Variants in MYCBP2 observed in about 807,000 individuals in gnomAD.
MYCBP2 encodes the protein E3 ubiquitin-protein ligase MYCBP2.
Under a neutral mutation model 525.3 loss-of-function variants are expected in MYCBP2, and 120 were observed. The observed-to-expected ratio is 0.23, with a 90% CI of 0.20 to 0.27. MYCBP2 has a LOEUF of 0.27. Ranked by LOEUF, MYCBP2 falls within the 10% of genes least tolerant of loss-of-function variation. The probability of loss-of-function intolerance (pLI) is 1.00; values close to 1 mark genes in which losing one functional copy is unlikely to be tolerated. For synonymous variants in MYCBP2, 1,894 were observed against 1,955.8 expected (o/e 0.97, Z 0.83); for missense variants, 4,149 against 5,657.1 (o/e 0.73, Z 8.55).
chr13:77,275,116 T>G (rs970643540), intron 4 of MYCBP2, among the ~76,000 whole-genome samples: 6 of 152,210 alleles, frequency 3.9e-5, no homozygotes, highest in African/African-American at 1.4e-4. Context: ...ACTAGGGTAT[T>G]GGCAAACATG....
In MYCBP2 at chr13:77,275,901, T is replaced by C. The variant is rs569762388; in HGVS notation, c.749-2233A>G. Among the ~76,000 whole-genome samples, 169 of 152,252 alleles carry C rather than the reference T, an allele frequency of 1.1e-3. 1 individual carries two copies. Among genetic ancestry groups the C allele is most frequent in the African/African-American group, 4.0e-3 (166 of 41,536 alleles). On this transcript the variant is annotated intron_variant, in intron 4 of 82. Transcript: ENST00000544440. ...CAGGAAGCTGAGGCAGGAGAATAGC[T>C]TGAACCCAGGAGGTGGAAGTTGCAG... is the stretch of plus-strand genomic sequence containing the variant.
At chr13:77,314,735 T>G (rs1385976221) in intron 1 of MYCBP2, among the ~76,000 whole-genome samples, 2 of 151,820 alleles carry the variant, frequency 1.3e-5, no homozygotes, top group South Asian at 2.1e-4. Flanking sequence ...ACCCCAAGAG[T>G]GAACCCTAAT....
chr13:77,094,472 C>T (rs916026722), intron 58 of MYCBP2, among the ~76,000 whole-genome samples: 16 of 152,144 alleles, frequency 1.1e-4, no homozygotes, highest in African/African-American at 3.9e-4. Context: ...GTTTAAAATT[C>T]TTCCACTGTT....
intron 18 of MYCBP2, among the ~76,000 whole-genome samples, chr13:77,227,681 A>G (rs894914183): frequency 4.6e-5 from 7 of 152,214 alleles, no homozygotes; most frequent in African/African-American, 1.7e-4. Flanking sequence ...TAAACATTTC[A>G]AGTATCATTC....
In MYCBP2 at chr13:77,181,843, A is replaced by G; in HGVS notation, c.4799T>C (p.Val1600Ala). Residue 1600 changes from valine to alanine, a missense_variant, in exon 33 of 83, where the codon GTT becomes GCT. By Grantham distance (64) the Val-to-Ala change is moderately conservative (BLOSUM62 0). Coordinates refer to ENST00000544440, the MANE Select transcript of MYCBP2 (RefSeq NM_015057.5). The part of the protein sequence containing the change: ...AVMSALCHTS[V>A]KLTSIFPIAY... Reference sequence around the variant, plus strand: ...AATCGGGAAGATGGAAGTCAGCTTAACAGACGTGTGACACAGAGCTGACAT... The same window carrying G: ...AATCGGGAAGATGGAAGTCAGCTTAGCAGACGTGTGACACAGAGCTGACAT... 4 of 1,614,094 alleles carry G rather than the reference A, an allele frequency of 2.5e-6. No individual in the cohort carries two copies. In the South Asian group the frequency reaches 3.3e-5, roughly 13 times the overall value.
chr13:77,248,613 A>G (rs540361443), intron 15 of MYCBP2, among the ~76,000 whole-genome samples: 1 of 152,340 alleles, frequency 6.6e-6, no homozygotes, highest in Non-Finnish European at 1.5e-5. Context: ...ATAACAGATC[A>G]TAAGTGTTAA....
chr13:77,204,137 A>T (rs1270746644), intron 26 of MYCBP2, among the ~76,000 whole-genome samples: 6 of 151,610 alleles, frequency 4.0e-5, no homozygotes, highest in Non-Finnish European at 4.4e-5. Flanking sequence ...AAATTTTTGC[A>T]ACCTACTCAT....
At chr13:77,192,089 T>C (rs1387144114) in intron 27 of MYCBP2, among the ~76,000 whole-genome samples, 1 of 152,242 alleles carries the variant, frequency 6.6e-6, no homozygotes, top group Non-Finnish European at 1.5e-5. Context: ...TTAGAATGTT[T>C]TAAACTGATA....
At position 77,067,561 on chromosome 13, in the gene MYCBP2, A is replaced by C. The variant is rs1310244378; in HGVS notation, c.12455+20T>G. On this transcript the variant is annotated intron_variant, in intron 71 of 82. Coordinates refer to ENST00000544440, the MANE Select transcript of MYCBP2 (RefSeq NM_015057.5). ...CTCACTCTATTCTGTTTTGGTACTAAAATAGAGGCAATAACTAACCTGGAA... is the reference window on the plus strand; with the variant it reads ...CTCACTCTATTCTGTTTTGGTACTACAATAGAGGCAATAACTAACCTGGAA... 1.2e-6 allele frequency: 2 copies of C among 1,611,846 alleles called. No individual in the cohort carries two copies. Among genetic ancestry groups the C allele is most frequent in the Admixed American group, 3.3e-5 (2 of 59,972 alleles).
chr13:77,143,032 T>C (rs913887302), intron 49 of MYCBP2, among the ~76,000 whole-genome samples: 3 of 152,224 alleles, frequency 2.0e-5, no homozygotes, highest in African/African-American at 7.2e-5. Flanking sequence ...AAAATAATGT[T>C]ACAAGAAATT....
chr13:77,208,518 T>A (rs181134267), intron 23 of MYCBP2, among the ~76,000 whole-genome samples: 1 of 152,354 alleles, frequency 6.6e-6, no homozygotes, highest in East Asian at 1.9e-4. Flanking sequence ...ATACCCAGAC[T>A]ACAGAATTCC....
rs2055200627 is a variant in MYCBP2 at position 77,144,489 on chromosome 13, A to G, written c.7259T>C (p.Ile2420Thr). Residue 2420 changes from isoleucine (I) to threonine (T), a missense_variant, in exon 49 of 83, where the codon ATT becomes ACT. By Grantham distance (89) the Ile-to-Thr change is moderately conservative. Coordinates refer to ENST00000544440, the MANE Select transcript of MYCBP2 (RefSeq NM_015057.5). ...GGTAACATGAAGAGTGTAGAGTCCA[A>G]TAGCCCCTGGAGTCCAATTTGCACA... is the stretch of plus-strand genomic sequence containing the variant. ...TYCANWTPGA[I>T]GLYTLHVTID... The G allele has an allele frequency of 1.9e-6, 3 of 1,613,706 alleles. No homozygotes were observed. The highest frequency in any genetic ancestry group is 1.7e-6 in the Non-Finnish European group (2 of 1,179,802).
At chr13:77,250,131 G>A (rs1024892535) in intron 15 of MYCBP2, among the ~76,000 whole-genome samples, 3 of 151,168 alleles carry the variant, frequency 2.0e-5, no homozygotes, top group Non-Finnish European at 4.4e-5. Flanking sequence ...GTCGAGGCAG[G>A]AGAATGGCGT....
intron 1 of MYCBP2, among the ~76,000 whole-genome samples, chr13:77,318,020 T>C (rs537847452): frequency 2.7e-5 from 4 of 150,702 alleles, no homozygotes; most frequent in African/African-American, 9.7e-5. Context: ...GGGTCCCTTA[T>C]TCTGAAATGA....
chr13:77,083,240 A>G, intron 62 of MYCBP2, 48 bp from the exon 63 acceptor site: 1 of 1,552,360 alleles, frequency 6.4e-7, no homozygotes, highest in Non-Finnish European at 8.7e-7. Flanking sequence ...GCTGGAAGGA[A>G]TCCTCTTCAC....
At chr13:77,254,949 G>A (rs1214995514) in intron 14 of MYCBP2, among the ~76,000 whole-genome samples, 2 of 151,842 alleles carry the variant, frequency 1.3e-5, no homozygotes, top group Non-Finnish European at 2.9e-5. Flanking sequence ...TTTTAGGGAT[G>A]AATAATATTC....
chr13:77,067,418 GAC>G (rs1779925384), intron 71 of MYCBP2, among the ~76,000 whole-genome samples, 161 bp downstream of exon 71: 1 of 152,084 alleles, frequency 6.6e-6, no homozygotes, highest in Admixed American at 6.5e-5. Context: ...AATTATAAAT[GAC>G]ACTTTTATTA....
intron 20 of MYCBP2, among the ~76,000 whole-genome samples, chr13:77,221,790 C>G (rs1187467866): frequency 2.0e-5 from 3 of 152,162 alleles, no homozygotes; most frequent in Non-Finnish European, 4.4e-5. Flanking sequence ...CTTCCCCACA[C>G]AGGTTATAGT....
intron 26 of MYCBP2, among the ~76,000 whole-genome samples, chr13:77,200,909 G>C (rs1593803346): frequency 6.6e-6 from 1 of 151,862 alleles, no homozygotes; most frequent in African/African-American, 2.4e-5. Context: ...ACATGGAAAG[G>C]AACAACCGGT....
Sources: gnomAD v4.1 joint callset for allele counts (sites outside exome capture counted in the v4.1 genomes callset) on GRCh38, gnomAD v4.1.1 for gene constraint, MANE v1.5 for transcripts, NCBI Gene and HGNC (gene_info 2026-07-23, HGNC 2026-07-21) for gene names.